ANXA4: variants seen among roughly 807,000 people sequenced by gnomAD.
ANXA4 encodes 35-beta calcimedin.
In ANXA4, 39 loss-of-function variants were observed where a neutral mutation model predicts 49.8. The ratio of observed to expected loss-of-function variants is 0.78; its 90% CI spans 0.61 to 1.02. The LOEUF is 1.02. Ranked by LOEUF, ANXA4 falls within the 50% of genes least tolerant of loss-of-function variation. The pLI, the probability that ANXA4 is intolerant of heterozygous loss-of-function variation, is 0.00. For synonymous variants in ANXA4, 134 were observed against 152.5 expected, an observed-to-expected ratio of 0.88 and a Z score of 0.89; for missense variants, 360 against 410.1, an observed-to-expected ratio of 0.88 and a Z score of 1.05.
intron 2 of ANXA4, among the ~76,000 whole-genome samples, chr2:69,708,394 A>G (rs1306940326): frequency 6.6e-6 from 1 of 152,214 alleles, no homozygotes; most frequent in African/African-American, 2.4e-5. Flanking sequence ...GTAACAGTTA[A>G]GTATTTTAAG....
intron 3 of ANXA4, among the ~76,000 whole-genome samples, chr2:69,802,455 G>A (rs1673243712): frequency 6.6e-6 from 1 of 152,228 alleles, no homozygotes; most frequent in Non-Finnish European, 1.5e-5. Flanking sequence ...GCTCACGCCT[G>A]TAATCCCAGC....
intron 2 of ANXA4, among the ~76,000 whole-genome samples, chr2:69,709,981 CTTTTT>C (rs974347199): frequency 1.0e-5 from 1 of 97,020 alleles, no homozygotes; most frequent in African/African-American, 4.3e-5. Flanking sequence ...CACTTCCAGG[CTTTTT>C]TTTTTTTTTT....
At chr2:69,647,412 A>ATTTT (rs1161870378) in intron 1 of ANXA4, among the ~76,000 whole-genome samples, 1 of 149,424 alleles carries the variant, frequency 6.7e-6, no homozygotes, top group Non-Finnish European at 1.5e-5. Context: ...TTATTTATTT[A>ATTTT]TTTATTTATT....
Position 69,727,040 on chromosome 2 carries a change from G to A in ANXA4, n.864+6169G>A, listed in dbSNP as rs61553742. Among the ~76,000 whole-genome samples the A allele has an allele frequency of 9.3e-3, 1,422 of 152,112 alleles. 25 individuals carry two copies. The highest frequency in any genetic ancestry group is 0.074 in the East Asian group (381 of 5,176). On this transcript the variant is annotated intron_variant and non_coding_transcript_variant, in intron 3 of 3. Transcript: ENST00000418066. The stretch of plus-strand genomic sequence containing the variant: ...TGGGACTACAGGTGTGCACCACCAC[G>A]CACAGCTAATTTTTTTAGACACTGG...
intron 2 of ANXA4, among the ~76,000 whole-genome samples, chr2:69,718,513 T>C (rs2105421380): frequency 6.6e-6 from 1 of 152,342 alleles, no homozygotes; most frequent in East Asian, 1.9e-4. Context: ...GAAGAGGTCA[T>C]AGAATCACTC....
chr2:69,790,785 T>C (rs187018145), intron 3 of ANXA4, among the ~76,000 whole-genome samples: 15 of 152,364 alleles, frequency 9.8e-5, no homozygotes, highest in Admixed American at 7.8e-4. Flanking sequence ...AGATTCCTGG[T>C]TGGTTGACAG....
chr2:69,796,562 C>G (rs1672952849), intron 3 of ANXA4, among the ~76,000 whole-genome samples: 1 of 152,216 alleles, frequency 6.6e-6, no homozygotes, highest in Non-Finnish European at 1.5e-5. Context: ...CTCTGTCTAC[C>G]TATTAGGGAC....
At chr2:69,695,694 A>G (rs986684244) in intron 2 of ANXA4, among the ~76,000 whole-genome samples, 5 of 152,124 alleles carry the variant, frequency 3.3e-5, no homozygotes, top group South Asian at 2.1e-4. Flanking sequence ...CCAAACAGCA[A>G]TCTTACCTCT....
chr2:69,698,615 G>A (rs550928018), intron 2 of ANXA4, among the ~76,000 whole-genome samples: 16 of 152,218 alleles, frequency 1.1e-4, no homozygotes, highest in East Asian at 9.7e-4. Flanking sequence ...GACAAGCTGC[G>A]TTGTCGGCTC....
In ANXA4 at chr2:69,826,322, T is replaced by C. The variant is rs781165117; in HGVS notation, c.*807T>C. On this transcript the variant is annotated 3_prime_UTR_variant, in exon 13 of 13. Transcript: ENST00000394295. ...GTAATGCTCTGAATTTAGTATGATA[T>C]AAAGAAAACTTTTTTGTGCTAAAAA... 9 of 152,674 alleles carry C rather than the reference T, an allele frequency of 5.9e-5. No individual in the cohort carries two copies. The highest frequency in any genetic ancestry group is 1.0e-4 in the Non-Finnish European group (7 of 68,044). The allele number at this position is 152,674 out of a possible 1,614,324, so 9.5% of individuals were successfully genotyped here.
chr2:69,682,268 G>A (rs1677626359), intron 2 of ANXA4, among the ~76,000 whole-genome samples: 1 of 152,074 alleles, frequency 6.6e-6, no homozygotes, highest in Non-Finnish European at 1.5e-5. Context: ...TGCTTTTGCT[G>A]TATCCCATAG....
intron 5 of ANXA4, among the ~76,000 whole-genome samples, chr2:69,807,222 C>G (rs186213437): frequency 2.6e-5 from 4 of 152,204 alleles, no homozygotes; most frequent in Non-Finnish European, 5.9e-5. Flanking sequence ...TAGTACAGCT[C>G]TAGAGACTTT....
At chr2:69,821,699 G>A (rs1252300127) in intron 12 of ANXA4, among the ~76,000 whole-genome samples, 3 of 152,136 alleles carry the variant, frequency 2.0e-5, no homozygotes, top group South Asian at 2.1e-4. Flanking sequence ...TGATCCACCC[G>A]TCTCGGCCTC....
At position 69,818,578 on chromosome 2, in the gene ANXA4, C is replaced by A. The variant is rs370840392; in HGVS notation, c.629-21C>A. ...CCTCTGTTTTTTCTTCCCAATAATA[C>A]TATTTTGTTATTGTCTGCAGTGTTT... On this transcript the variant is annotated intron_variant, in intron 9 of 12. Transcript: ENST00000394295. 3.3e-6 allele frequency: 5 copies of A among 1,499,346 alleles called. No homozygotes were observed. The African/African-American group carries it at 5.6e-5, about 17-fold the overall frequency. The allele number at this position is 1,499,346 out of a possible 1,614,324, so 92.9% of individuals were successfully genotyped here. A position where few individuals can be genotyped will look rare whatever the true frequency, so the allele number is the denominator to read the frequency against.
chr2:69,654,645 A>G lies in ANXA4; in HGVS notation n.766+1363A>G, dbSNP rs371473743. ...TCCCAGGGATGAAGCTGACTTGATC[A>G]TGGCAGATAAGCTTTTTGATATGCT... On this transcript the variant is annotated intron_variant and non_coding_transcript_variant, in intron 2 of 3. Coordinates refer to the ANXA4 transcript ENST00000418066. Among the ~76,000 whole-genome samples the G allele has an allele frequency of 5.9e-5, 9 of 152,224 alleles. No individual in the cohort carries two copies. In the East Asian group the frequency reaches 1.2e-3, roughly 20 times the overall value.
At chr2:69,708,908 C>T (rs1250849908) in intron 2 of ANXA4, among the ~76,000 whole-genome samples, 1 of 150,724 alleles carries the variant, frequency 6.6e-6, no homozygotes. Context: ...TCCCAGCTAC[C>T]AAACTTAAAA....
At chr2:69,705,835 G>A (rs151169728) in intron 2 of ANXA4, among the ~76,000 whole-genome samples, 3,194 of 152,192 alleles carry the variant, frequency 0.021, 110 homozygotes, top group African/African-American at 0.072. Context: ...GGGAGGCTGA[G>A]GCAGGACAAT....
chr2:69,805,990 A>G (rs1673427610), intron 4 of ANXA4, among the ~76,000 whole-genome samples: 1 of 152,236 alleles, frequency 6.6e-6, no homozygotes, highest in South Asian at 2.1e-4. Context: ...ATTGTTTTAC[A>G]TTTTGCAGAT....
intron 1 of ANXA4, among the ~76,000 whole-genome samples, chr2:69,778,742 TC>T (rs1404310274): frequency 8.2e-6 from 1 of 122,520 alleles, no homozygotes; most frequent in African/African-American, 3.2e-5. Context: ...GCCATTGCAC[TC>T]CAGCCTGGGC....
Sources: gnomAD v4.1 joint callset for allele counts (sites outside exome capture counted in the v4.1 genomes callset) on GRCh38, gnomAD v4.1.1 for gene constraint, MANE v1.5 for transcripts, NCBI Gene and HGNC (gene_info 2026-07-23, HGNC 2026-07-21) for gene names.